TM9SF2: variants seen among roughly 807,000 people sequenced by gnomAD.
TM9SF2 encodes transmembrane 9 superfamily member 2.
TM9SF2 carries 13 observed loss-of-function variants against 84.9 expected under a neutral mutation model. The ratio of observed to expected loss-of-function variants is 0.15; its 90% confidence interval spans 0.10 to 0.24. The LOEUF (loss-of-function observed/expected upper bound fraction) is 0.24. Among genes scored for constraint, TM9SF2 ranks in the 10% least tolerant of loss-of-function variants. The probability of loss-of-function intolerance (pLI) is 1.00; values close to 1 mark genes in which losing one functional copy is unlikely to be tolerated. For synonymous variants in TM9SF2, 273 were observed against 285.8 expected (o/e 0.96, Z 0.45); for missense variants, 562 against 818.5 (o/e 0.69, Z 3.82).
intron 3 of TM9SF2, among the ~76,000 whole-genome samples, chr13:99,528,953 C>T (rs775348046): frequency 2.6e-5 from 4 of 152,134 alleles, no homozygotes; most frequent in Non-Finnish European, 5.9e-5. Context: ...TTTCAGCCTT[C>T]TGGAGTCATG....
At position 99,552,213 on chromosome 13, in the gene TM9SF2, G is replaced by A. The variant is rs1216051745; in HGVS notation, c.1375G>A (p.Glu459Lys). Residue 459 changes from glutamate to lysine, a missense_variant, in exon 13 of 17, where the codon GAA (glutamate) becomes AAA (lysine). Coordinates refer to ENST00000376387, the MANE Select transcript of TM9SF2 (RefSeq NM_004800.3). ...FFIMNLILWG[E>K]GSSAAIPFGT... ...TATAATGAATCTGATCCTCTGGGGA[G>A]AAGGATCTTCAGCAGCTATTCCTTT... 6.2e-7 allele frequency: 1 copy of A among 1,614,040 alleles called. No individual in the cohort carries two copies. Among genetic ancestry groups the A allele is most frequent in the Admixed American group, 1.7e-5 (1 of 60,002 alleles).
chr13:99,514,928 TC>T (rs2046127828), intron 1 of TM9SF2, among the ~76,000 whole-genome samples: 1 of 152,218 alleles, frequency 6.6e-6, no homozygotes, highest in African/African-American at 2.4e-5. Flanking sequence ...GGGATTATTA[TC>T]ACTTCTGTTC....
intron 16 of TM9SF2, among the ~76,000 whole-genome samples, chr13:99,562,335 C>G (rs778494253): frequency 2.5e-4 from 38 of 152,286 alleles, no homozygotes; most frequent in Admixed American, 2.2e-3. Flanking sequence ...ATGTATTCAT[C>G]TCATACCTTA....
At chr13:99,508,404 A>AACACACACACACAC (rs61561266) in intron 1 of TM9SF2, among the ~76,000 whole-genome samples, 1,909 of 134,404 alleles carry the variant, frequency 0.014, 22 homozygotes, top group East Asian at 0.032. Context: ...AGGCAAACAA[A>AACACACACACACAC]ACACACACAC....
chr13:99,501,775 A>G lies in TM9SF2; in HGVS notation c.169A>G (p.Lys57Glu), dbSNP rs957639148. 1 of 1,609,914 alleles carries G rather than the reference A, an allele frequency of 6.2e-7. No individual in the cohort carries two copies. The highest frequency in any genetic ancestry group is 8.5e-7 in the Non-Finnish European group (1 of 1,179,174). ...CDEEKKSDEC[K>E]AEIELFVNRL... ...CGAAGAAAAAAAGAGCGACGAGTGC[A>G]AGGTGGGTGAGGCCTGACGAGCCCT... is the stretch of plus-strand genomic sequence containing the variant. The change falls in exon 1 of 17, where the codon AAG becomes GAG. Residue 57 changes from lysine (K) to glutamate (E), a missense_variant and splice_region_variant. Physicochemically the swap from Lys to Glu is moderately conservative, Grantham distance 56. Coordinates refer to ENST00000376387, the MANE Select transcript of TM9SF2 (RefSeq NM_004800.3).
intron 3 of TM9SF2, among the ~76,000 whole-genome samples, chr13:99,520,568 A>G (rs1343971621): frequency 1.3e-5 from 2 of 151,924 alleles, no homozygotes; most frequent in Admixed American, 6.6e-5. Flanking sequence ...TTTGGAAGCT[A>G]ATCTTTCTTT....
At chr13:99,557,811 A>G (rs1342568896) in intron 15 of TM9SF2, among the ~76,000 whole-genome samples, 1 of 152,156 alleles carries the variant, frequency 6.6e-6, no homozygotes, top group Non-Finnish European at 1.5e-5. Context: ...TCAGTAAGCC[A>G]TGATTACACC....
intron 14 of TM9SF2, 125 bp downstream of exon 14, chr13:99,554,580 T>G: frequency 9.5e-7 from 1 of 1,050,272 alleles, no homozygotes. Context: ...ACCAGAAATC[T>G]TAAAAGCCAA....
At position 99,501,514 on chromosome 13, in the gene TM9SF2, C is replaced by T. The variant is rs1274779802; in HGVS notation, c.-93C>T. On this transcript the variant is annotated 5_prime_UTR_variant, in exon 1 of 17. Coordinates refer to ENST00000376387, the MANE Select transcript of TM9SF2 (RefSeq NM_004800.3). ...CCTTCTGGGGGCCGGCTTCCTTTAT[C>T]TCTGGCGGCCTTGTAGTCGTCTCCG... 2.7e-6 allele frequency: 4 copies of T among 1,478,200 alleles called. No homozygotes were observed. The highest frequency in any genetic ancestry group is 2.4e-5 in the East Asian group (1 of 42,136). The allele number at this position is 1,478,200 out of a possible 1,614,324, so 91.6% of individuals were successfully genotyped here.
At chr13:99,555,321 C>A (rs1371954778) in intron 14 of TM9SF2, among the ~76,000 whole-genome samples, 1 of 152,170 alleles carries the variant, frequency 6.6e-6, no homozygotes, top group Non-Finnish European at 1.5e-5. Flanking sequence ...TCAGGCCTCC[C>A]TGAGCAGGAA....
chr13:99,510,055 T>G (rs917024674), intron 1 of TM9SF2, among the ~76,000 whole-genome samples: 2 of 152,224 alleles, frequency 1.3e-5, no homozygotes, highest in Non-Finnish European at 2.9e-5. Flanking sequence ...TTGTCACTCT[T>G]TAGTGCAGAG....
intron 15 of TM9SF2, among the ~76,000 whole-genome samples, chr13:99,557,664 C>G (rs1391212104): frequency 6.6e-6 from 1 of 152,006 alleles, no homozygotes; most frequent in Non-Finnish European, 1.5e-5. Flanking sequence ...GCGGGAGGAT[C>G]GCTTGAGCCC....
rs368017686 is a variant in TM9SF2 at position 99,501,723 on chromosome 13, C to T, written c.117C>T (p.Pro39=). ...GCCGGAGCGGCGCTTTCTACCTGCC[C>T]GGCCTGGCGCCCGTCAACTTCTGCG... The part of the protein sequence containing the change: ...GPRRSGAFYL[P]GLAPVNFCDE... The change falls in exon 1 of 17, where the codon CCC becomes CCT. Residue 39 remains proline, a synonymous_variant. Transcript: ENST00000376387. The T allele has an allele frequency of 3.1e-6, 5 of 1,611,824 alleles. No individual in the cohort carries two copies. Among genetic ancestry groups the T allele is most frequent in the African/African-American group, 1.3e-5 (1 of 74,768 alleles).
At chr13:99,559,570 T>G in intron 16 of TM9SF2, 36 bp downstream of exon 16, 1 of 1,533,864 alleles carries the variant, frequency 6.5e-7, no homozygotes, top group Non-Finnish European at 8.8e-7. Context: ...TTTTATTTTG[T>G]AAGTTTTTAG....
intron 3 of TM9SF2, 117 bp downstream of exon 3, chr13:99,520,246 A>G (rs2046153513): frequency 1.3e-6 from 1 of 790,334 alleles, no homozygotes; most frequent in Non-Finnish European, 2.0e-6. Flanking sequence ...TCTCTTTTTC[A>G]TCTAGGAATA....
intron 6 of TM9SF2, among the ~76,000 whole-genome samples, chr13:99,538,707 G>A (rs1323848143): frequency 2.6e-5 from 4 of 152,048 alleles, no homozygotes; most frequent in Admixed American, 2.6e-4. Context: ...GAGCCCAGGA[G>A]TTCAAGACCA....
chr13:99,516,736 G>A (rs992554253), intron 1 of TM9SF2, among the ~76,000 whole-genome samples: 1 of 152,142 alleles, frequency 6.6e-6, no homozygotes, highest in African/African-American at 2.4e-5. Context: ...CTACTACCTT[G>A]TAGTTCAGTG....
intron 3 of TM9SF2, 150 bp from the exon 4 acceptor site, chr13:99,529,317 G>A: frequency 1.8e-6 from 1 of 549,926 alleles, no homozygotes; most frequent in East Asian, 3.7e-5. Flanking sequence ...AAATCTGATT[G>A]AGCTATGAGG....
chr13:99,544,354 CAAAA>C (rs368008400), intron 10 of TM9SF2, among the ~76,000 whole-genome samples: 3 of 147,716 alleles, frequency 2.0e-5, no homozygotes, highest in Admixed American at 1.3e-4. Flanking sequence ...AAAAAAAAAA[CAAAA>C]AACACCACAG....
Sources: gnomAD v4.1 joint callset for allele counts (sites outside exome capture counted in the v4.1 genomes callset) on GRCh38, gnomAD v4.1.1 for gene constraint, MANE v1.5 for transcripts, NCBI Gene and HGNC (gene_info 2026-07-23, HGNC 2026-07-21) for gene names.